Variants in RHOT1 observed in about 807,000 individuals in gnomAD.
RHOT1 encodes ras homolog family member T1.
Under a neutral mutation model 95.3 loss-of-function variants are expected in RHOT1, and 27 were observed. The observed-to-expected ratio is 0.28, with a 90% confidence interval of 0.21 to 0.39. RHOT1 has a LOEUF of 0.39. RHOT1 is among the 10% of genes least tolerant of loss of function. RHOT1 has a pLI of 1.00. For synonymous variants in RHOT1, 227 were observed against 263.5 expected (o/e 0.86, Z 1.34); for missense variants, 578 against 786.7 (o/e 0.73, Z 3.17).
At chr17:32,152,811 T>C (rs1343492639) in intron 1 of RHOT1, among the ~76,000 whole-genome samples, 1 of 152,028 alleles carries the variant, frequency 6.6e-6, no homozygotes, top group Non-Finnish European at 1.5e-5. Context: ...TCTTTTTTTT[T>C]TTTTCTTTTT....
chr17:32,169,628 TAAA>T (rs1256840009), intron 1 of RHOT1, among the ~76,000 whole-genome samples: 9 of 152,146 alleles, frequency 5.9e-5, no homozygotes, highest in African/African-American at 1.9e-4. Flanking sequence ...CAGTTAAAAA[TAAA>T]AAAGATCTTG....
At chr17:32,216,607 C>A (rs955788367) in intron 19 of RHOT1, among the ~76,000 whole-genome samples, 4 of 152,058 alleles carry the variant, frequency 2.6e-5, no homozygotes, top group South Asian at 2.1e-4. Flanking sequence ...ATATGTGTGA[C>A]TTTTAAGCCA....
At chr17:32,182,352 G>A (rs1389048093) in intron 6 of RHOT1, among the ~76,000 whole-genome samples, 5 of 152,038 alleles carry the variant, frequency 3.3e-5, no homozygotes, top group African/African-American at 1.2e-4. Context: ...TGGATGTGGT[G>A]GCTTGTGCCT....
At position 32,177,828 on chromosome 17, in the gene RHOT1, CTT is replaced by C. The variant is rs1200853876; in HGVS notation, c.329+1627_329+1628del. Reference sequence around the variant, plus strand: ...CCAGTGACATCTTTCTTTCTTTCTTCTTTTTTTTTTTTTGAGATGGAGTTTCC... The same window carrying C: ...CCAGTGACATCTTTCTTTCTTTCTTCTTTTTTTTTTTGAGATGGAGTTTCC... On this transcript the variant is annotated intron_variant, in intron 6 of 19. Transcript: ENST00000545287. Among the ~76,000 whole-genome samples, 29 of 137,350 alleles carry C rather than the reference CTT, an allele frequency of 2.1e-4. 1 individual carries two copies. Among genetic ancestry groups the C allele is most frequent in the Admixed American group, 1.7e-3 (24 of 13,722 alleles). 90.1% of individuals were successfully genotyped at this position (137,350 alleles called of 152,430 possible).
chr17:32,147,712 C>T (rs535820578), intron 1 of RHOT1, among the ~76,000 whole-genome samples: 65 of 151,516 alleles, frequency 4.3e-4, no homozygotes, highest in African/African-American at 1.4e-3. Context: ...CCCAGCTACT[C>T]AGGAGGCTGA....
chr17:32,203,052 G>T, intron 15 of RHOT1, 152 bp downstream of exon 15: 4 of 735,406 alleles, frequency 5.4e-6, no homozygotes, highest in Non-Finnish European at 8.8e-6. Context: ...CAGTAATCCT[G>T]TTGAACTGTC....
At chr17:32,177,844 G>A (rs2035143030) in intron 6 of RHOT1, among the ~76,000 whole-genome samples, 1 of 145,198 alleles carries the variant, frequency 6.9e-6, no homozygotes, top group Admixed American at 6.8e-5. Flanking sequence ...TTTTTTTTGA[G>A]ATGGAGTTTC....
intron 1 of RHOT1, chr17:32,150,886 C>T: frequency 6.5e-7 from 1 of 1,544,548 alleles, no homozygotes; most frequent in Non-Finnish European, 8.9e-7. Flanking sequence ...AGCATAAGCA[C>T]TGGGGGATGT....
At chr17:32,161,358 C>T (rs539039262) in intron 1 of RHOT1, among the ~76,000 whole-genome samples, 25 of 152,054 alleles carry the variant, frequency 1.6e-4, no homozygotes, top group Admixed American at 3.3e-4. Flanking sequence ...ACCAGAAATG[C>T]AAAAATATGA....
chr17:32,224,593 A>G, intron 19 of RHOT1, 23 bp from the exon 20 acceptor site: 1 of 1,511,642 alleles, frequency 6.6e-7, no homozygotes, highest in South Asian at 1.2e-5. Context: ...GTTTTAAATA[A>G]TAATTATATT....
At chr17:32,218,002 A>G (rs1282691707) in intron 19 of RHOT1, among the ~76,000 whole-genome samples, 1 of 151,590 alleles carries the variant, frequency 6.6e-6, no homozygotes, top group African/African-American at 2.4e-5. Flanking sequence ...AGCTGGGATT[A>G]CAGGTATGCA....
At chr17:32,181,160 C>T (rs147531800) in intron 6 of RHOT1, among the ~76,000 whole-genome samples, 1 of 152,292 alleles carries the variant, frequency 6.6e-6, no homozygotes, top group East Asian at 1.9e-4. Flanking sequence ...ATTTGCTTTC[C>T]CTCCAAGCTC....
intron 1 of RHOT1, among the ~76,000 whole-genome samples, chr17:32,144,162 C>G (rs188277245): frequency 1.3e-5 from 2 of 152,238 alleles, no homozygotes; most frequent in African/African-American, 4.8e-5. Flanking sequence ...AGACGACTTG[C>G]TTAAAAAACT....
chr17:32,180,697 CAAAAAAAAAAA>C (rs34530711), intron 6 of RHOT1, among the ~76,000 whole-genome samples: 2 of 77,750 alleles, frequency 2.6e-5, no homozygotes, highest in East Asian at 7.2e-4. Context: ...TGTTTTAAGC[CAAAAAAAAAAA>C]AAAAAAAAAG....
intron 8 of RHOT1, among the ~76,000 whole-genome samples, chr17:32,189,691 C>T (rs772592317): frequency 6.6e-5 from 10 of 151,516 alleles, no homozygotes; most frequent in African/African-American, 1.2e-4. Flanking sequence ...TTGCCTATAA[C>T]GGAATCTTTT....
rs1328458625 is a variant in RHOT1 at position 32,175,369 on chromosome 17, T to C, written c.222+7T>C. 6.2e-6 allele frequency: 10 copies of C among 1,611,504 alleles called. No homozygotes were observed. Among genetic ancestry groups the C allele is most frequent in the Non-Finnish European group, 8.5e-6 (10 of 1,177,700 alleles). On this transcript the variant is annotated splice_region_variant and intron_variant, in intron 4 of 19. Coordinates refer to ENST00000545287, the MANE Select transcript of RHOT1 (RefSeq NM_001033566.3). ...TCATCAAGAAATATCTCAGGTGAGC[T>C]TTAAAAAACAGAGGTGTGGGGTTTT...
chr17:32,225,001 A>G lies in RHOT1; in HGVS notation c.*268A>G. The G allele has an allele frequency of 4.5e-6, 1 of 221,782 alleles. No homozygotes were observed. Among genetic ancestry groups the G allele is most frequent in the South Asian group, 9.0e-5 (1 of 11,052 alleles). 13.7% of individuals were successfully genotyped at this position (221,782 alleles called of 1,614,324 possible). On this transcript the variant is annotated 3_prime_UTR_variant, in exon 20 of 20. Transcript: ENST00000545287. Reference sequence around the variant, plus strand: ...GTAAATATATGTACATATTCAGGCAAGATATGGTCTCCCAAGCTGAGTTCT... The same window carrying G: ...GTAAATATATGTACATATTCAGGCAGGATATGGTCTCCCAAGCTGAGTTCT...
At chr17:32,187,381 A>G (rs2036141231) in intron 8 of RHOT1, among the ~76,000 whole-genome samples, 1 of 151,648 alleles carries the variant, frequency 6.6e-6, no homozygotes, top group Admixed American at 6.6e-5. Context: ...AGTAGCTGGG[A>G]TTACAGGTGT....
intron 8 of RHOT1, among the ~76,000 whole-genome samples, chr17:32,184,999 T>C (rs1021728505): frequency 6.6e-6 from 1 of 152,148 alleles, no homozygotes; most frequent in Non-Finnish European, 1.5e-5. Context: ...CAGCTTATTA[T>C]AACCTCAAAT....
Sources: gnomAD v4.1 joint callset for allele counts (sites outside exome capture counted in the v4.1 genomes callset) on GRCh38, gnomAD v4.1.1 for gene constraint, MANE v1.5 for transcripts, NCBI Gene and HGNC (gene_info 2026-07-23, HGNC 2026-07-21) for gene names.